Variants in NDUFA10 observed in about 807,000 individuals in gnomAD.
NDUFA10 encodes the protein NADH:ubiquinone oxidoreductase subunit A10.
In NDUFA10, 40 loss-of-function variants were observed where a neutral mutation model predicts 47.8. The ratio of observed to expected loss-of-function variants is 0.84; its 90% confidence interval spans 0.65 to 1.09. The LOEUF (loss-of-function observed/expected upper bound fraction) is 1.09. Among genes scored for constraint, NDUFA10 ranks in the 50% least tolerant of loss-of-function variants. NDUFA10 has a pLI of 0.00. For synonymous variants in NDUFA10, 183 were observed against 172.2 expected (o/e 1.06, Z -0.49); for missense variants, 413 against 451.1 (o/e 0.92, Z 0.76).
chr2:239,963,299 G>T lies in NDUFA10; in HGVS notation c.1000-2113C>A, dbSNP rs1242893385. Reference sequence around the variant, plus strand: ...AGGAGGGGGCGCAGGCAGCTAGTCTGGCAGAGTCCAGGGAGGCGTCAGGAG... The same window carrying T: ...AGGAGGGGGCGCAGGCAGCTAGTCTTGCAGAGTCCAGGGAGGCGTCAGGAG... On this transcript the variant is annotated intron_variant, in intron 9 of 9. Coordinates refer to ENST00000252711, the MANE Select transcript of NDUFA10 (RefSeq NM_004544.4). 2.6e-5 allele frequency among the ~76,000 whole-genome samples: 4 copies of T among 152,230 alleles called. No individual in the cohort carries two copies. In the East Asian group the frequency reaches 7.7e-4, roughly 29 times the overall value.
intron 4 of NDUFA10, among the ~76,000 whole-genome samples, chr2:239,934,478 C>A (rs915914189): frequency 6.6e-6 from 1 of 151,510 alleles, no homozygotes; most frequent in Non-Finnish European, 1.5e-5. Context: ...TTTCTCATCA[C>A]CTTTTCATTT....
intron 4 of NDUFA10, among the ~76,000 whole-genome samples, chr2:239,912,402 G>GA (rs1203366470): frequency 1.1e-4 from 16 of 152,160 alleles, no homozygotes; most frequent in African/African-American, 3.9e-4. Flanking sequence ...GCCAACGCTG[G>GA]GTCAGCTCCT....
chr2:239,960,660 C>A lies in NDUFA10; in HGVS notation c.*458G>T, dbSNP rs1024291221. On this transcript the variant is annotated 3_prime_UTR_variant, in exon 10 of 10. Transcript: ENST00000252711. ...AAGCCTCAATTAAACCACACCACACCAAACAGGGCCCAGAGCAGCGTGTGT... is the reference window on the plus strand; with the variant it reads ...AAGCCTCAATTAAACCACACCACACAAAACAGGGCCCAGAGCAGCGTGTGT... 15 of 1,080,234 alleles carry A rather than the reference C, an allele frequency of 1.4e-5. No homozygotes were observed. In the African/African-American group the frequency reaches 2.4e-4, roughly 18 times the overall value. 66.9% of individuals were successfully genotyped at this position (1,080,234 alleles called of 1,614,324 possible).
chr2:239,979,066 G>A lies in NDUFA10; in HGVS notation c.999+11008C>T, dbSNP rs1262346673. 5.9e-5 allele frequency among the ~76,000 whole-genome samples: 9 copies of A among 152,108 alleles called. No individual in the cohort carries two copies. The East Asian group carries it at 1.5e-3, about 26-fold the overall frequency. On this transcript the variant is annotated intron_variant, in intron 9 of 9. Transcript: ENST00000252711. The stretch of plus-strand genomic sequence containing the variant: ...CACAGGGTGGGCGAGCCTCCCCAGC[G>A]TCACACCACTCCCTGAGAAGTGTGC...
intron 4 of NDUFA10, among the ~76,000 whole-genome samples, chr2:239,929,115 C>T (rs1017061273): frequency 6.6e-6 from 1 of 152,194 alleles, no homozygotes; most frequent in Non-Finnish European, 1.5e-5. Flanking sequence ...CTAACGAGAT[C>T]GTAACAAGAT....
At chr2:239,893,362 G>A (rs1693331507) in intron 5 of NDUFA10, among the ~76,000 whole-genome samples, 1 of 152,208 alleles carries the variant, frequency 6.6e-6, no homozygotes, top group African/African-American at 2.4e-5. Flanking sequence ...AGGAGTCTGT[G>A]CCAATACGGC....
rs1258770997 is a variant in NDUFA10, at chr2:240,025,273, G to C, written c.29C>G (p.Ala10Gly). 25 of 1,503,442 alleles carry C rather than the reference G, an allele frequency of 1.7e-5. No homozygotes were observed. In the Admixed American group the frequency reaches 2.4e-4, roughly 15 times the overall value. 93.1% of individuals were successfully genotyped at this position (1,503,442 alleles called of 1,614,324 possible). The change falls in exon 1 of 10, where the codon GCG becomes GGG. Residue 10 changes from alanine (A) to glycine (G), a missense_variant. By Grantham distance (60) the Ala-to-Gly change is moderately conservative. Coordinates refer to ENST00000252711, the MANE Select transcript of NDUFA10 (RefSeq NM_004544.4). Reference sequence around the variant, plus strand: ...CACGACCCGGGCGGACGCGGACGTCGCTGCCAGCTTCAGGAGCCGCAAGGC... The same window carrying C: ...CACGACCCGGGCGGACGCGGACGTCCCTGCCAGCTTCAGGAGCCGCAAGGC... MALRLLKLA[A>G]TSASARVVAA...
intron 4 of NDUFA10, among the ~76,000 whole-genome samples, chr2:239,917,730 A>G (rs1007308109): frequency 2.0e-5 from 3 of 152,240 alleles, no homozygotes; most frequent in Non-Finnish European, 4.4e-5. Context: ...TGAAGTGTAC[A>G]TAAAAGTCAT....
intron 4 of NDUFA10, among the ~76,000 whole-genome samples, chr2:239,905,448 G>A (rs1044241381): frequency 2.0e-5 from 3 of 152,234 alleles, no homozygotes; most frequent in African/African-American, 7.2e-5. Context: ...CTACCGAGGT[G>A]GAGCAGGGCA....
intron 9 of NDUFA10, among the ~76,000 whole-genome samples, chr2:239,971,069 C>G (rs1160800168): frequency 6.6e-6 from 1 of 152,236 alleles, no homozygotes; most frequent in African/African-American, 2.4e-5. Context: ...AACAGCCCTA[C>G]TACTGCTCTA....
intron 8 of NDUFA10, 46 bp downstream of exon 8, chr2:240,005,164 C>A: frequency 6.6e-7 from 1 of 1,505,848 alleles, no homozygotes; most frequent in South Asian, 1.1e-5. Context: ...CCCCATCATG[C>A]AAGTAGACCC....
At chr2:239,967,165 T>C (rs7596579) in intron 9 of NDUFA10, among the ~76,000 whole-genome samples, 45 of 152,326 alleles carry the variant, frequency 3.0e-4, no homozygotes, top group African/African-American at 1.0e-3. Flanking sequence ...GACGCAGCCA[T>C]CGGAATGGGT....
chr2:239,899,978 C>T (rs13424047), intron 4 of NDUFA10, among the ~76,000 whole-genome samples: 20,301 of 151,626 alleles, frequency 0.13, 1,433 homozygotes, highest in South Asian at 0.18. Flanking sequence ...TGGGTGGGCA[C>T]CATCTAATCA....
At chr2:239,982,282 CTTTAG>C in intron 9 of NDUFA10, 1 of 1,589,976 alleles carries the variant, frequency 6.3e-7, no homozygotes, top group Non-Finnish European at 8.6e-7. Flanking sequence ...CTTTACTTTT[CTTTAG>C]TTACTTGTCT....
At chr2:239,908,845 T>C (rs1693700642) in intron 4 of NDUFA10, among the ~76,000 whole-genome samples, 1 of 152,136 alleles carries the variant, frequency 6.6e-6, no homozygotes, top group Non-Finnish European at 1.5e-5. Flanking sequence ...CACCTGCACC[T>C]ACCTCCCTGT....
At chr2:240,004,375 TC>T (rs2106468950) in intron 8 of NDUFA10, among the ~76,000 whole-genome samples, 1 of 152,196 alleles carries the variant, frequency 6.6e-6, no homozygotes, top group African/African-American at 2.4e-5. Flanking sequence ...TACCAAAGAA[TC>T]CACACAATAG....
intron 5 of NDUFA10, 119 bp from the exon 6 acceptor site, chr2:240,011,815 C>A (rs1350627933): frequency 1.2e-6 from 1 of 868,100 alleles, no homozygotes; most frequent in Non-Finnish European, 1.9e-6. Flanking sequence ...TCACACCGGG[C>A]ACTGTGGGGA....
intron 9 of NDUFA10, among the ~76,000 whole-genome samples, chr2:239,970,676 G>A (rs374921172): frequency 3.0e-4 from 45 of 152,298 alleles, no homozygotes; most frequent in Admixed American, 1.8e-3. Context: ...TGTGTGAGGC[G>A]GTTAAATGCT....
intron 4 of NDUFA10, among the ~76,000 whole-genome samples, chr2:239,942,284 T>C (rs532721084): frequency 3.9e-4 from 59 of 152,362 alleles, no homozygotes; most frequent in African/African-American, 1.4e-3. Flanking sequence ...TAAACACAGA[T>C]GCTGCTGGGG....
Sources: gnomAD v4.1 joint callset for allele counts (sites outside exome capture counted in the v4.1 genomes callset) on GRCh38, gnomAD v4.1.1 for gene constraint, MANE v1.5 for transcripts, NCBI Gene and HGNC (gene_info 2026-07-23, HGNC 2026-07-21) for gene names.